PDE1A: variants seen among roughly 807,000 people sequenced by gnomAD.
PDE1A encodes phosphodiesterase 1A.
A neutral mutation model predicts 61.7 loss-of-function variants in PDE1A; 35 were observed. The observed-to-expected ratio is 0.57, with a 90% CI of 0.43 to 0.75. The LOEUF is 0.75. Ranked by LOEUF, PDE1A falls within the 30% of genes least tolerant of loss-of-function variation. PDE1A has a pLI of 0.00. For missense variants in PDE1A, 597 were observed against 630.6 expected (o/e 0.95, Z 0.57); for synonymous variants, 232 against 213.2 (o/e 1.09, Z -0.77).
At chr2:182,473,515 GGGTACATGTGCAGGTTTGTTACATA>G (rs1290830875) in intron 2 of PDE1A, among the ~76,000 whole-genome samples, 10 of 151,854 alleles carry the variant, frequency 6.6e-5, no homozygotes, top group African/African-American at 2.4e-4. Flanking sequence ...TTAAGTTCAG[GGGTACATGTGCAGGTTTGTTACATA>G]GGTAAACGTG....
chr2:182,523,052 G>T (rs1690660054), upstream of PDE1A: 1 of 152,168 alleles, frequency 6.6e-6, no homozygotes, highest in African/African-American at 2.4e-5. Flanking sequence ...TCCACAGGTT[G>T]TTATTGCAAG....
chr2:182,648,536 T>TAAAAAAAAAAAAAAAAAAAAAAAAAA, the PDE1A span, among the ~76,000 whole-genome samples: 7 of 92,230 alleles, frequency 7.6e-5, no homozygotes, highest in Non-Finnish European at 1.6e-4. Flanking sequence ...AAAAAAAAAT[T>TAAAAAAAAAAAAAAAAAAAAAAAAAA]AAAAAAATTA....
chr2:182,144,031 A>C (rs1300451558), downstream of PDE1A, among the ~76,000 whole-genome samples: 1 of 152,206 alleles, frequency 6.6e-6, no homozygotes, highest in Non-Finnish European at 1.5e-5. Context: ...CTAGACTCAC[A>C]GGGACTGTAG....
the PDE1A span, among the ~76,000 whole-genome samples, chr2:182,640,000 A>T: frequency 6.6e-6 from 1 of 152,020 alleles, no homozygotes; most frequent in African/African-American, 2.4e-5. Context: ...AAAATGGTGA[A>T]GTCTAGCAAG....
At chr2:182,257,275 T>C (rs760452340) in intron 2 of PDE1A, among the ~76,000 whole-genome samples, 6 of 152,210 alleles carry the variant, frequency 3.9e-5, no homozygotes, top group Non-Finnish European at 8.8e-5. Context: ...TGGGATAACA[T>C]GGTAGCCCAT....
intron 1 of PDE1A, among the ~76,000 whole-genome samples, chr2:182,425,066 T>C (rs1267498480): frequency 6.6e-6 from 1 of 152,182 alleles, no homozygotes; most frequent in African/African-American, 2.4e-5. Flanking sequence ...AGCATATAAT[T>C]AATTAATTAG....
At chr2:182,567,791 C>CT in the PDE1A span, among the ~76,000 whole-genome samples, 1 of 138,932 alleles carries the variant, frequency 7.2e-6, no homozygotes, top group Non-Finnish European at 1.6e-5. Context: ...TTCTTTTTTT[C>CT]TTTTTTCTTT....
At chr2:182,553,070 C>T in the PDE1A span, among the ~76,000 whole-genome samples, 1 of 152,222 alleles carries the variant, frequency 6.6e-6, no homozygotes, top group African/African-American at 2.4e-5. Flanking sequence ...TGGGTTCATC[C>T]TAATCGAGCT....
chr2:182,214,264 G>A (rs1468613623), intron 7 of PDE1A, among the ~76,000 whole-genome samples: 1 of 151,752 alleles, frequency 6.6e-6, no homozygotes, highest in Non-Finnish European at 1.5e-5. Context: ...CCTGAAGGAA[G>A]CACTAAACAT....
At chr2:182,564,633 T>C in the PDE1A span, among the ~76,000 whole-genome samples, 1 of 152,332 alleles carries the variant, frequency 6.6e-6, no homozygotes, top group African/African-American at 2.4e-5. Context: ...TCCTGGATAA[T>C]ATACTGCAGA....
the PDE1A span, among the ~76,000 whole-genome samples, chr2:182,686,991 C>T: frequency 4.8e-3 from 734 of 152,312 alleles, 7 homozygotes; most frequent in African/African-American, 0.017. Flanking sequence ...GAGGGGCGCC[C>T]GCCATTGCTG....
chr2:182,517,530 A>C (rs1403659613), intron 2 of PDE1A, among the ~76,000 whole-genome samples: 1 of 152,242 alleles, frequency 6.6e-6, no homozygotes, highest in Non-Finnish European at 1.5e-5. Context: ...CTGGAATCCA[A>C]GAGCAAATCC....
At chr2:182,588,825 C>T in the PDE1A span, among the ~76,000 whole-genome samples, 1 of 151,944 alleles carries the variant, frequency 6.6e-6, no homozygotes, top group African/African-American at 2.4e-5. Flanking sequence ...AGGCGGATCA[C>T]CCAAGGTCAG....
intron 1 of PDE1A, among the ~76,000 whole-genome samples, chr2:182,311,813 C>T (rs530930642): frequency 1.3e-5 from 2 of 152,194 alleles, no homozygotes; most frequent in East Asian, 3.9e-4. Flanking sequence ...GGTTGGATTG[C>T]ATATTAGGTG....
the PDE1A span, among the ~76,000 whole-genome samples, chr2:182,666,652 A>G: frequency 1.1e-4 from 16 of 152,160 alleles, no homozygotes; most frequent in Non-Finnish European, 2.1e-4. Flanking sequence ...TCAAAAGGGT[A>G]AAGCTTGACA....
At chr2:182,567,798 C>CTTTTTTTTTTTTTTT in the PDE1A span, among the ~76,000 whole-genome samples, 2 of 126,642 alleles carry the variant, frequency 1.6e-5, no homozygotes, top group Non-Finnish European at 3.4e-5. Context: ...TTTCTTTTTT[C>CTTTTTTTTTTTTTTT]TTTTTTTTTT....
exon 1 of PDE1A, chr2:182,426,641 A>C: frequency 6.2e-7 from 1 of 1,612,446 alleles, no homozygotes; most frequent in Non-Finnish European, 8.5e-7. Flanking sequence ...TTAAAGGTGA[A>C]GGTTTAACTT....
chr2:182,701,017 T>C, the PDE1A span, among the ~76,000 whole-genome samples: 4 of 138,670 alleles, frequency 2.9e-5, no homozygotes, highest in Admixed American at 7.8e-5. Context: ...GTTTACTTCC[T>C]GACTTTCTGT....
the PDE1A span, among the ~76,000 whole-genome samples, chr2:182,665,127 T>C: frequency 1.3e-5 from 2 of 152,190 alleles, no homozygotes; most frequent in Admixed American, 1.3e-4. Flanking sequence ...TACAATAAAC[T>C]AGATTTTTTG....
Sources: gnomAD v4.1 joint callset for allele counts (sites outside exome capture counted in the v4.1 genomes callset) on GRCh38, gnomAD v4.1.1 for gene constraint, MANE v1.5 for transcripts, NCBI Gene and HGNC (gene_info 2026-07-23, HGNC 2026-07-21) for gene names.